Variants in GRIN2A observed in about 807,000 individuals in gnomAD.
GRIN2A encodes glutamate ionotropic receptor NMDA type subunit 2A.
In GRIN2A, 22 loss-of-function variants were observed where a neutral mutation model predicts 113.4. The ratio of observed to expected loss-of-function variants is 0.19; its 90% CI spans 0.14 to 0.28. GRIN2A has a LOEUF of 0.28. Among genes scored for constraint, GRIN2A ranks in the 10% least tolerant of loss-of-function variants. The pLI is 1.00. For synonymous variants in GRIN2A, 827 were observed against 738.4 expected, an observed-to-expected ratio of 1.12 and a Z score of -1.94; for missense variants, 1,502 against 1,887.0, an observed-to-expected ratio of 0.80 and a Z score of 3.78.
chr16:9,774,418 G>C (rs1901475222), intron 11 of GRIN2A, among the ~76,000 whole-genome samples: 2 of 152,166 alleles, frequency 1.3e-5, no homozygotes, highest in Non-Finnish European at 2.9e-5. Context: ...CTCAATATCT[G>C]AGTCAGACGG....
intron 2 of GRIN2A, among the ~76,000 whole-genome samples, chr16:10,164,355 T>C (rs1295932196): frequency 3.3e-5 from 5 of 152,238 alleles, no homozygotes; most frequent in Admixed American, 6.5e-5. Context: ...TCATCTGTCA[T>C]TGGGTCAGGG....
At chr16:9,805,401 C>G (rs2041946635) in intron 10 of GRIN2A, 1 of 152,174 alleles carries the variant, frequency 6.6e-6, no homozygotes, top group Non-Finnish European at 1.5e-5. Flanking sequence ...ATGAAACCAG[C>G]ATGTGCACAT....
At chr16:9,786,437 T>C (rs16966327) in intron 11 of GRIN2A, among the ~76,000 whole-genome samples, 45,364 of 151,938 alleles carry the variant, frequency 0.3, 6,816 homozygotes, top group Non-Finnish European at 0.32. Flanking sequence ...CCATGAACAA[T>C]GGAAAAAAAG....
intron 4 of GRIN2A, among the ~76,000 whole-genome samples, chr16:9,858,158 G>A (rs866102351): frequency 6.6e-6 from 1 of 152,170 alleles, no homozygotes; most frequent in African/African-American, 2.4e-5. Flanking sequence ...GGAACTATCA[G>A]AACAGGGCAG....
rs762880673 is a variant in GRIN2A, at chr16:9,834,180, C to G, written c.1702G>C (p.Val568Leu). The change falls in exon 8 of 13, where the codon GTT becomes CTT. Residue 568 changes from valine to leucine, a missense_variant. This residue lies in a region of GRIN2A where 82 missense variants were observed against 222.7 expected (regional missense o/e 0.37). Transcript: ENST00000330684. ...WVMMFVMLLI[V>L]SAIAVFVFEY... is the part of the protein sequence containing the mutation. ...AAGACAAAAACAGCTATGGCAGAAA[C>G]AATGAGCAGCATCACAAACATCATC... The G allele has an allele frequency of 6.2e-7, 1 of 1,613,636 alleles. No individual in the cohort carries two copies. The highest frequency in any genetic ancestry group is 8.5e-7 in the Non-Finnish European group (1 of 1,179,602).
At chr16:9,878,079 T>C (rs577135061) in intron 4 of GRIN2A, among the ~76,000 whole-genome samples, 1 of 152,274 alleles carries the variant, frequency 6.6e-6, no homozygotes, top group South Asian at 2.1e-4. Flanking sequence ...ATTTTCATAA[T>C]TGATGGCAAT....
intron 2 of GRIN2A, among the ~76,000 whole-genome samples, chr16:10,165,711 G>C (rs2049905270): frequency 1.2e-5 from 1 of 81,098 alleles, no homozygotes; most frequent in Non-Finnish European, 2.5e-5. Context: ...AAGGAGGGGA[G>C]GGGAGAAAGG....
At position 9,938,066 on chromosome 16, in the gene GRIN2A, G is replaced by A. The variant is rs143669998; in HGVS notation, c.900C>T (p.Thr300=). 366 of 1,614,038 alleles carry A rather than the reference G, an allele frequency of 2.3e-4. 3 individuals are homozygous for A. In the African/African-American group the frequency reaches 4.6e-3, roughly 20 times the overall value. ...TCTCCAGCATAGAAGATGCAGCGGTGGTTAGGATGCCAATGCCGTCCCTCA... is the reference window on the plus strand; with the variant it reads ...TCTCCAGCATAGAAGATGCAGCGGTAGTTAGGATGCCAATGCCGTCCCTCA... ...ARVRDGIGIL[T]TAASSMLEKF... is the part of the protein sequence containing the mutation. Residue 300 remains threonine (T), a synonymous_variant, in exon 3 of 13, where the codon ACC becomes ACT. Coordinates refer to ENST00000330684, the MANE Select transcript of GRIN2A (RefSeq NM_001134407.3).
chr16:10,059,888 A>C (rs1464239535), intron 2 of GRIN2A, among the ~76,000 whole-genome samples: 1 of 152,172 alleles, frequency 6.6e-6, no homozygotes, highest in African/African-American at 2.4e-5. Flanking sequence ...CAGAGATAAT[A>C]CAGGAAATTG....
chr16:9,914,616 C>T (rs540984895), intron 3 of GRIN2A, among the ~76,000 whole-genome samples: 1 of 152,156 alleles, frequency 6.6e-6, no homozygotes, highest in Non-Finnish European at 1.5e-5. Flanking sequence ...AGAAGTTAGG[C>T]TTATTGAAGA....
rs998844720 is a variant in GRIN2A at position 9,761,684 on chromosome 16, A to G, written c.*1465T>C. ...CAGGCACTGTGCTAACAGGCTCCCCATGCATAAGTATTCCCCTCTCTGTCT... is the reference window on the plus strand; with the variant it reads ...CAGGCACTGTGCTAACAGGCTCCCCGTGCATAAGTATTCCCCTCTCTGTCT... On this transcript the variant is annotated 3_prime_UTR_variant, in exon 13 of 13. Coordinates refer to ENST00000330684, the MANE Select transcript of GRIN2A (RefSeq NM_001134407.3). 4.4e-6 allele frequency: 1 copy of G among 226,990 alleles called. No homozygotes were observed. The highest frequency in any genetic ancestry group is 8.8e-6 in the Non-Finnish European group (1 of 114,212). 14.1% of individuals were successfully genotyped at this position (226,990 alleles called of 1,614,324 possible).
intron 2 of GRIN2A, among the ~76,000 whole-genome samples, chr16:10,099,060 CA>C (rs890464076): frequency 6.6e-6 from 1 of 151,882 alleles, no homozygotes. Flanking sequence ...AGAAAATGCT[CA>C]AAAAAACCAC....
At chr16:10,170,225 C>A (rs1306826321) in intron 2 of GRIN2A, among the ~76,000 whole-genome samples, 2 of 152,172 alleles carry the variant, frequency 1.3e-5, no homozygotes, top group Admixed American at 1.3e-4. Context: ...AAAAACCATT[C>A]CCAAGTGAGT....
rs932400522 is a variant in GRIN2A, at chr16:9,760,966, G to A, written c.*2183C>T. On this transcript the variant is annotated 3_prime_UTR_variant, in exon 13 of 13. Transcript: ENST00000330684. ...TTGGGGTGACTATTCTGGGCCCTTC[G>A]ATCCAGGCTTCTCCATGGCTGGGTC... is the stretch of plus-strand genomic sequence containing the variant. The A allele has an allele frequency of 2.6e-5, 6 of 232,132 alleles. No homozygotes were observed. The highest frequency in any genetic ancestry group is 1.2e-3 in the Middle Eastern group (1 of 810). The allele number at this position is 232,132 out of a possible 1,614,324, so 14.4% of individuals were successfully genotyped here.
In GRIN2A at chr16:10,057,283, C is replaced by A. The variant is rs565177636; in HGVS notation, c.415-118732G>T. ...ACCAGACCTCAAGAATAAATACAAT[C>A]TAAGTAAATACAATGGGCTTGCTAT... On this transcript the variant is annotated intron_variant, in intron 2 of 12. Transcript: ENST00000330684. Among the ~76,000 whole-genome samples the A allele has an allele frequency of 2.6e-5, 4 of 152,256 alleles. No homozygotes were observed. In the East Asian group the frequency reaches 7.7e-4, roughly 29 times the overall value.
chr16:9,959,944 G>A (rs2045399549), intron 2 of GRIN2A, among the ~76,000 whole-genome samples: 1 of 152,208 alleles, frequency 6.6e-6, no homozygotes, highest in African/African-American at 2.4e-5. Flanking sequence ...CTGCACTCCA[G>A]CCTCGGTGAC....
At chr16:9,802,672 G>A (rs1903435725) in intron 10 of GRIN2A, among the ~76,000 whole-genome samples, 1 of 152,116 alleles carries the variant, frequency 6.6e-6, no homozygotes, top group African/African-American at 2.4e-5. Flanking sequence ...GGGGCTTGTT[G>A]GTGATATTTC....
intron 3 of GRIN2A, among the ~76,000 whole-genome samples, chr16:9,909,559 T>C (rs530092611): frequency 6.6e-6 from 1 of 152,224 alleles, no homozygotes; most frequent in African/African-American, 2.4e-5. Flanking sequence ...TAGCCACATA[T>C]GGCTAGTGGC....
At chr16:9,974,618 C>G (rs951447229) in intron 2 of GRIN2A, among the ~76,000 whole-genome samples, 1 of 152,130 alleles carries the variant, frequency 6.6e-6, no homozygotes, top group South Asian at 2.1e-4. Flanking sequence ...AACTCCGTGT[C>G]TGAGGAGTTT....
Sources: allele counts gnomAD v4.1 joint callset (sites outside exome capture counted in the v4.1 genomes callset), GRCh38; gene constraint gnomAD v4.1.1; regional missense constraint gnomAD v4.1.1; transcripts MANE v1.5; gene names NCBI Gene and HGNC (gene_info 2026-07-23, HGNC 2026-07-21).